Variants in PATJ observed in about 807,000 individuals in gnomAD.
PATJ encodes PATJ crumbs cell polarity complex component.
PATJ carries 190 observed loss-of-function variants against 224.9 expected under a neutral mutation model. The ratio of observed to expected loss-of-function variants is 0.84; its 90% CI spans 0.75 to 0.95. PATJ has a LOEUF of 0.95. Among genes scored for constraint, PATJ ranks in the 40% least tolerant of loss-of-function variants. The pLI is 0.00. For synonymous variants in PATJ, 769 were observed against 820.3 expected, an observed-to-expected ratio of 0.94 and a Z score of 1.07; for missense variants, 2,121 against 2,270.3, an observed-to-expected ratio of 0.93 and a Z score of 1.34.
At chr1:62,060,393 G>A (rs938085526) in intron 31 of PATJ, among the ~76,000 whole-genome samples, 1 of 151,858 alleles carries the variant, frequency 6.6e-6, no homozygotes, top group East Asian at 1.9e-4. Flanking sequence ...TTGAGACAAG[G>A]TCTTGCTCTG....
rs564692043 is a variant in PATJ at position 62,002,134 on chromosome 1, C to G, written c.3867+11770C>G. 9.2e-5 allele frequency among the ~76,000 whole-genome samples: 14 copies of G among 152,228 alleles called. No individual in the cohort carries two copies. In the East Asian group the frequency reaches 2.5e-3, roughly 27 times the overall value. Reference sequence around the variant, plus strand: ...AAGTTCCATCTTCTTGTTACCCATTCCAGAGGCCCCAAACCTACCTAGAGG... The same window carrying G: ...AAGTTCCATCTTCTTGTTACCCATTGCAGAGGCCCCAAACCTACCTAGAGG... On this transcript the variant is annotated intron_variant, in intron 28 of 43. Transcript: ENST00000642238.
intron 1 of PATJ, among the ~76,000 whole-genome samples, chr1:61,744,283 T>C (rs1297123468): frequency 6.2e-4 from 1 of 1,622 alleles, no homozygotes; most frequent in South Asian, 7.0e-3. Context: ...GAACCCTGTC[T>C]CAAAAAAAAA....
intron 7 of PATJ, among the ~76,000 whole-genome samples, chr1:61,786,359 C>A (rs756666254): frequency 6.6e-6 from 1 of 151,936 alleles, no homozygotes. Context: ...GCTAATGACC[C>A]GCAAGGTGTT....
At chr1:62,092,402 A>G (rs1233027111) in intron 33 of PATJ, among the ~76,000 whole-genome samples, 4 of 152,016 alleles carry the variant, frequency 2.6e-5, no homozygotes, top group African/African-American at 9.7e-5. Context: ...AATGTGATTC[A>G]AGCACTATTC....
chr1:61,850,373 G>A (rs1662622336), intron 17 of PATJ, among the ~76,000 whole-genome samples: 2 of 152,200 alleles, frequency 1.3e-5, no homozygotes, highest in Non-Finnish European at 2.9e-5. Flanking sequence ...TCATGTAACA[G>A]TCTTCTTACG....
intron 27 of PATJ, among the ~76,000 whole-genome samples, chr1:61,935,790 G>GA (rs57862972): frequency 0.046 from 6,576 of 143,558 alleles, 522 homozygotes; most frequent in African/African-American, 0.16. Context: ...GACCCTGTCT[G>GA]AAAAAAAAAA....
At position 62,052,884 on chromosome 1, in the gene PATJ, T is replaced by C. The variant is rs573647249; in HGVS notation, c.4125+1826T>C. 9.2e-5 allele frequency among the ~76,000 whole-genome samples: 14 copies of C among 152,278 alleles called. No individual in the cohort carries two copies. The East Asian group carries it at 2.5e-3, about 27-fold the overall frequency. On this transcript the variant is annotated intron_variant, in intron 31 of 43. Coordinates refer to ENST00000642238, the MANE Select transcript of PATJ (RefSeq NM_001350145.3). ...CCGAAAGCCCCTTTACTTAAAAATA[T>C]GTTAACTTGTTCTGTTTGGCACTAT...
At chr1:62,156,183 C>T (rs1669193130) in intron 43 of PATJ, among the ~76,000 whole-genome samples, 2 of 151,316 alleles carry the variant, frequency 1.3e-5, no homozygotes. Context: ...CAAGATCAGC[C>T]TGGACAACAA....
intron 22 of PATJ, among the ~76,000 whole-genome samples, chr1:61,895,238 T>C (rs1036722110): frequency 6.6e-6 from 1 of 152,250 alleles, no homozygotes; most frequent in Non-Finnish European, 1.5e-5. Flanking sequence ...AAACCCATTT[T>C]CTGGGGAGGA....
chr1:62,076,651 T>C (rs1460434387), intron 31 of PATJ, among the ~76,000 whole-genome samples: 1 of 152,210 alleles, frequency 6.6e-6, no homozygotes, highest in Non-Finnish European at 1.5e-5. Context: ...CAGGGACCTA[T>C]TATGCACCAG....
intron 27 of PATJ, among the ~76,000 whole-genome samples, chr1:61,966,417 G>A (rs1380223055): frequency 2.6e-5 from 4 of 152,032 alleles, no homozygotes; most frequent in Admixed American, 2.0e-4. Flanking sequence ...CAAATGCGGT[G>A]TCTCACACCT....
At chr1:62,090,105 A>G (rs1300987931) in intron 33 of PATJ, among the ~76,000 whole-genome samples, 1 of 152,152 alleles carries the variant, frequency 6.6e-6, no homozygotes, top group Non-Finnish European at 1.5e-5. Flanking sequence ...GGTTTCTGAG[A>G]TCACAGAGGG....
intron 14 of PATJ, among the ~76,000 whole-genome samples, chr1:61,820,010 A>G (rs1477052300): frequency 6.6e-6 from 1 of 152,052 alleles, no homozygotes; most frequent in African/African-American, 2.4e-5. Flanking sequence ...TGTTACATTT[A>G]TTTTTATTTT....
chr1:61,938,655 G>A (rs1001051984), intron 27 of PATJ, among the ~76,000 whole-genome samples: 7 of 152,022 alleles, frequency 4.6e-5, no homozygotes, highest in Admixed American at 2.0e-4. Context: ...TCTGAGACCA[G>A]CCTGGACAAC....
chr1:61,914,011 C>CAT (rs1478162960), intron 25 of PATJ, among the ~76,000 whole-genome samples: 12 of 152,174 alleles, frequency 7.9e-5, no homozygotes, highest in Admixed American at 6.5e-4. Context: ...GCCCTGATGG[C>CAT]ATATATATAA....
intron 30 of PATJ, among the ~76,000 whole-genome samples, chr1:62,049,286 A>AT (rs71050195): frequency 4.0e-5 from 5 of 126,418 alleles, no homozygotes; most frequent in Admixed American, 1.6e-4. Context: ...CACACAGAGT[A>AT]TTTTTTTTTC....
chr1:61,765,171 C>T (rs71641741), intron 3 of PATJ, among the ~76,000 whole-genome samples: 2 of 134,530 alleles, frequency 1.5e-5, no homozygotes, highest in African/African-American at 5.5e-5. Context: ...ACCTCCTGGG[C>T]TCAAGCAATC....
At chr1:62,126,062 C>CA (rs1372613291) in intron 39 of PATJ, among the ~76,000 whole-genome samples, 5 of 152,234 alleles carry the variant, frequency 3.3e-5, no homozygotes, top group African/African-American at 1.2e-4. Context: ...TGAGCCACCA[C>CA]ACCCAGCCTC....
At chr1:61,774,322 A>G (rs1027286858) in intron 6 of PATJ, among the ~76,000 whole-genome samples, 3 of 152,046 alleles carry the variant, frequency 2.0e-5, no homozygotes, top group African/African-American at 7.2e-5. Flanking sequence ...CTAAGTAATG[A>G]GTATGCCCTA....
Sources: gnomAD v4.1 joint callset for allele counts (sites outside exome capture counted in the v4.1 genomes callset) on GRCh38, gnomAD v4.1.1 for gene constraint, MANE v1.5 for transcripts, NCBI Gene and HGNC (gene_info 2026-07-23, HGNC 2026-07-21) for gene names.